The following PLPP4 variants were observed in gnomAD, a reference collection of about 807,000 sequenced individuals.
The protein encoded by PLPP4 is phospholipid phosphatase 4.
In PLPP4, 20 loss-of-function variants were observed where a neutral mutation model predicts 32.2. The observed-to-expected ratio is 0.62, with a 90% confidence interval of 0.44 to 0.90. The LOEUF (loss-of-function observed/expected upper bound fraction) is 0.90, where lower values mean the gene tolerates loss of function less well. PLPP4 is among the 40% of genes least tolerant of loss of function. PLPP4 has a pLI of 0.00. For synonymous variants in PLPP4, 127 were observed against 133.0 expected, an observed-to-expected ratio of 0.95 and a Z score of 0.31; for missense variants, 257 against 353.1, an observed-to-expected ratio of 0.73 and a Z score of 2.18.
At chr10:120,463,753 A>G (rs967709613) in intron 1 of PLPP4, among the ~76,000 whole-genome samples, 2 of 152,080 alleles carry the variant, frequency 1.3e-5, no homozygotes, top group Non-Finnish European at 2.9e-5. Flanking sequence ...TGGCACAACC[A>G]TAGCTATTCT....
chr10:120,492,260 C>T (rs1844756115), intron 1 of PLPP4, among the ~76,000 whole-genome samples: 1 of 152,172 alleles, frequency 6.6e-6, no homozygotes, highest in African/African-American at 2.4e-5. Context: ...TTTCAGTCTT[C>T]TGTTGTTTAC....
chr10:120,586,889 A>G (rs1185955792), intron 6 of PLPP4, among the ~76,000 whole-genome samples: 3 of 152,082 alleles, frequency 2.0e-5, no homozygotes, highest in Non-Finnish European at 4.4e-5. Context: ...GCTATGTTGC[A>G]CAATGATGTT....
intron 5 of PLPP4, among the ~76,000 whole-genome samples, chr10:120,539,566 C>T (rs183312320): frequency 5.3e-5 from 8 of 152,264 alleles, no homozygotes; most frequent in African/African-American, 1.9e-4. Flanking sequence ...ACCTGGAGAA[C>T]TGGGGACTTG....
chr10:120,501,721 A>T (rs1003099985), intron 1 of PLPP4, among the ~76,000 whole-genome samples: 1 of 152,176 alleles, frequency 6.6e-6, no homozygotes, highest in African/African-American at 2.4e-5. Flanking sequence ...ATTTAGTTCA[A>T]TGCTGGGGAC....
intron 2 of PLPP4, among the ~76,000 whole-genome samples, chr10:120,510,819 C>A (rs977295358): frequency 1.3e-5 from 2 of 152,180 alleles, no homozygotes; most frequent in Admixed American, 1.3e-4. Flanking sequence ...TCTATCCATC[C>A]TGATTCACGG....
chr10:120,536,412 A>G (rs534144138), intron 5 of PLPP4, among the ~76,000 whole-genome samples: 9 of 152,240 alleles, frequency 5.9e-5, no homozygotes, highest in African/African-American at 1.9e-4. Flanking sequence ...ATTTTTGACA[A>G]AGACTCCAAC....
intron 6 of PLPP4, among the ~76,000 whole-genome samples, chr10:120,584,192 C>T (rs958775286): frequency 6.6e-6 from 1 of 152,200 alleles, no homozygotes; most frequent in African/African-American, 2.4e-5. Flanking sequence ...TTCTCAACCT[C>T]TCCCGGTTAA....
intron 3 of PLPP4, among the ~76,000 whole-genome samples, chr10:120,514,414 A>G (rs1845855907): frequency 6.6e-6 from 1 of 152,218 alleles, no homozygotes; most frequent in African/African-American, 2.4e-5. Context: ...TCGACCAAAC[A>G]CTGTTGGCTA....
intron 1 of PLPP4, among the ~76,000 whole-genome samples, chr10:120,479,487 C>A (rs1374717833): frequency 6.6e-6 from 1 of 152,098 alleles, no homozygotes; most frequent in Non-Finnish European, 1.5e-5. Context: ...GCATTTATTG[C>A]GATCTGAAAT....
intron 1 of PLPP4, among the ~76,000 whole-genome samples, chr10:120,491,724 C>G (rs898192619): frequency 6.6e-6 from 1 of 152,162 alleles, no homozygotes; most frequent in East Asian, 1.9e-4. Context: ...CTGCTTCCCT[C>G]TCTCCCTTTT....
At chr10:120,566,566 G>A (rs954448601) in intron 5 of PLPP4, among the ~76,000 whole-genome samples, 4 of 144,640 alleles carry the variant, frequency 2.8e-5, no homozygotes, top group East Asian at 2.0e-4. Context: ...TTTGTCAGAC[G>A]GAGTCTCACC....
At chr10:120,511,943 A>C (rs1845744334) in intron 2 of PLPP4, among the ~76,000 whole-genome samples, 1 of 151,970 alleles carries the variant, frequency 6.6e-6, no homozygotes, top group Non-Finnish European at 1.5e-5. Context: ...AAGTACAAAA[A>C]CTTAGCCGGG....
At chr10:120,574,168 A>ACACACACACACT (rs1849090021) in intron 5 of PLPP4, among the ~76,000 whole-genome samples, 6 of 47,120 alleles carry the variant, frequency 1.3e-4, no homozygotes, top group African/African-American at 3.4e-4. Context: ...ACACACACAC[A>ACACACACACACT]CTCTCTCTCT....
intron 6 of PLPP4, among the ~76,000 whole-genome samples, chr10:120,586,892 A>G (rs1849787901): frequency 6.6e-6 from 1 of 152,160 alleles, no homozygotes; most frequent in African/African-American, 2.4e-5. Flanking sequence ...ATGTTGCACA[A>G]TGATGTTGAG....
chr10:120,502,567 C>T (rs1376912543), intron 1 of PLPP4, among the ~76,000 whole-genome samples: 2 of 152,146 alleles, frequency 1.3e-5, no homozygotes, highest in African/African-American at 4.8e-5. Flanking sequence ...GTCTCCTGCC[C>T]TCCAGAGTGA....
intron 5 of PLPP4, among the ~76,000 whole-genome samples, chr10:120,549,032 A>G (rs567791173): frequency 1.4e-4 from 22 of 151,754 alleles, no homozygotes; most frequent in Non-Finnish European, 2.4e-4. Context: ...AAATTTTTAG[A>G]TAAAGTACTT....
rs185059640 is a variant in PLPP4 at position 120,502,437 on chromosome 10, G to C, written c.57-1381G>C. Among the ~76,000 whole-genome samples the C allele has an allele frequency of 4.6e-4, 70 of 152,268 alleles. 1 individual carries two copies. The highest frequency in any genetic ancestry group is 4.4e-3 in the Admixed American group (68 of 15,298). On this transcript the variant is annotated intron_variant, in intron 1 of 6. Coordinates refer to ENST00000398250, the MANE Select transcript of PLPP4 (RefSeq NM_001030059.3). ...TCTTAGATATGCAATAGAATTGAGA[G>C]TCAGGCTGATCAAAGTGAGAATAGT... is the stretch of plus-strand genomic sequence containing the variant.
At chr10:120,497,687 G>A (rs1045788797) in intron 1 of PLPP4, among the ~76,000 whole-genome samples, 1 of 152,036 alleles carries the variant, frequency 6.6e-6, no homozygotes, top group African/African-American at 2.4e-5. Flanking sequence ...GAAAATTAAG[G>A]AGAAAATATA....
intron 2 of PLPP4, among the ~76,000 whole-genome samples, chr10:120,507,361 T>TC (rs1564803325): frequency 0.014 from 1,430 of 99,800 alleles, 14 homozygotes; most frequent in East Asian, 0.035. Context: ...TCATCATCAT[T>TC]ATCATCATCA....
Sources: gnomAD v4.1 joint callset for allele counts (sites outside exome capture counted in the v4.1 genomes callset) on GRCh38, gnomAD v4.1.1 for gene constraint, MANE v1.5 for transcripts, NCBI Gene and HGNC (gene_info 2026-07-23, HGNC 2026-07-21) for gene names.